CSMD1: variants seen among roughly 807,000 people sequenced by gnomAD.
The protein encoded by CSMD1 is CUB and Sushi multiple domains 1.
Under a neutral mutation model 417.5 loss-of-function variants are expected in CSMD1, and 213 were observed. That is an observed-to-expected ratio of 0.51 (90% confidence interval 0.46 to 0.57). The LOEUF (loss-of-function observed/expected upper bound fraction) is 0.57, where lower values mean the gene tolerates loss of function less well. CSMD1 is among the 20% of genes least tolerant of loss of function. The probability of loss-of-function intolerance (pLI) is 0.00; values close to 1 mark genes in which losing one functional copy is unlikely to be tolerated. For missense variants in CSMD1, 6,923 were observed against 4,529.7 expected (o/e 1.53, Z -15.17); for synonymous variants, 2,862 against 1,736.8 (o/e 1.65, Z -16.11).
chr8:4,688,473 A>T (rs1334297382), intron 1 of CSMD1, among the ~76,000 whole-genome samples: 1 of 152,116 alleles, frequency 6.6e-6, no homozygotes, highest in African/African-American at 2.4e-5. Flanking sequence ...AGGCGTAAGC[A>T]CTTGTATGGT....
intron 1 of CSMD1, among the ~76,000 whole-genome samples, chr8:4,794,346 A>T (rs1003052335): frequency 6.6e-6 from 1 of 152,224 alleles, no homozygotes; most frequent in Non-Finnish European, 1.5e-5. Flanking sequence ...ATGAGTGACT[A>T]TTTCTCATAT....
At chr8:3,175,235 C>T (rs1485612429) in intron 37 of CSMD1, among the ~76,000 whole-genome samples, 2 of 152,160 alleles carry the variant, frequency 1.3e-5, no homozygotes, top group Non-Finnish European at 2.9e-5. Context: ...ATTTTACTCC[C>T]ACCTGGTAAA....
chr8:4,878,846 C>T (rs1416317521), intron 1 of CSMD1, among the ~76,000 whole-genome samples: 5 of 151,276 alleles, frequency 3.3e-5, no homozygotes, highest in African/African-American at 4.9e-5. Flanking sequence ...AATATGTCAC[C>T]GAGACTTGCA....
chr8:3,849,335 G>T (rs939012681), intron 5 of CSMD1, among the ~76,000 whole-genome samples: 4 of 152,264 alleles, frequency 2.6e-5, no homozygotes, highest in Admixed American at 6.5e-5. Context: ...AGAATTTGGG[G>T]AGATGAAGTG....
At chr8:2,994,795 C>T (rs1196305270) in intron 54 of CSMD1, among the ~76,000 whole-genome samples, 1 of 151,900 alleles carries the variant, frequency 6.6e-6, no homozygotes. Context: ...GAAGCCCTTC[C>T]TGATAATGTT....
chr8:3,949,145 T>C (rs1277629087), intron 5 of CSMD1, among the ~76,000 whole-genome samples: 4 of 152,230 alleles, frequency 2.6e-5, no homozygotes, highest in Non-Finnish European at 4.4e-5. Context: ...CATTGTGGAA[T>C]GGCTAAATTG....
chr8:3,696,084 G>T (rs1246551097), intron 7 of CSMD1, among the ~76,000 whole-genome samples: 1 of 152,182 alleles, frequency 6.6e-6, no homozygotes, highest in Non-Finnish European at 1.5e-5. Context: ...GACAGGGAAT[G>T]AGACATTTCC....
intron 4 of CSMD1, among the ~76,000 whole-genome samples, chr8:4,020,844 T>C (rs1439407085): frequency 6.6e-6 from 1 of 152,230 alleles, no homozygotes; most frequent in Non-Finnish European, 1.5e-5. Context: ...CTCTTATCTT[T>C]TGCCTAAACT....
At chr8:3,923,693 C>T (rs867508652) in intron 5 of CSMD1, among the ~76,000 whole-genome samples, 2 of 152,116 alleles carry the variant, frequency 1.3e-5, no homozygotes, top group Admixed American at 6.6e-5. Context: ...AGTCACCATG[C>T]TGTACAATAA....
rs146483001 is a variant in CSMD1 at position 4,384,639 on chromosome 8, C to T, written c.415+35314G>A. 4.6e-5 allele frequency among the ~76,000 whole-genome samples: 7 copies of T among 152,150 alleles called. No homozygotes were observed. In the East Asian group the frequency reaches 1.2e-3, roughly 25 times the overall value. On this transcript the variant is annotated intron_variant, in intron 3 of 69. Coordinates refer to ENST00000635120, the MANE Select transcript of CSMD1 (RefSeq NM_033225.6). Reference sequence around the variant, plus strand: ...TAGAAGATTTTTTTTTGTTATTCAACAACCTGCTATTTCATATTCCCTCCA... The same window carrying T: ...TAGAAGATTTTTTTTTGTTATTCAATAACCTGCTATTTCATATTCCCTCCA...
intron 5 of CSMD1, among the ~76,000 whole-genome samples, chr8:3,872,004 G>T (rs1261870473): frequency 6.6e-6 from 1 of 152,184 alleles, no homozygotes; most frequent in African/African-American, 2.4e-5. Flanking sequence ...ATGCAATGGT[G>T]TGCAGTGAGT....
rs1004348577 is a variant in CSMD1 at position 3,032,595 on chromosome 8, C to T, written c.7661-3082G>A. ...AATAAAAACAGAACATTTTACAACCCCCAAACACCTACCCCAGTCTACTGA... is the reference window on the plus strand; with the variant it reads ...AATAAAAACAGAACATTTTACAACCTCCAAACACCTACCCCAGTCTACTGA... On this transcript the variant is annotated intron_variant, in intron 50 of 69. Transcript: ENST00000635120. 2.6e-5 allele frequency among the ~76,000 whole-genome samples: 4 copies of T among 152,072 alleles called. No individual in the cohort carries two copies. The East Asian group carries it at 7.7e-4, about 29-fold the overall frequency.
intron 6 of CSMD1, among the ~76,000 whole-genome samples, chr8:3,715,790 G>T (rs991197724): frequency 6.6e-6 from 1 of 151,982 alleles, no homozygotes; most frequent in South Asian, 2.1e-4. Flanking sequence ...TGATCCTCCC[G>T]CCCTGGCCTC....
chr8:3,275,760 G>T (rs1272409954), intron 26 of CSMD1, among the ~76,000 whole-genome samples: 1 of 152,166 alleles, frequency 6.6e-6, no homozygotes, highest in Non-Finnish European at 1.5e-5. Context: ...TAGTTCTGGA[G>T]CTTTGGTTTT....
At chr8:3,912,258 CTAAT>C (rs1808511525) in intron 5 of CSMD1, among the ~76,000 whole-genome samples, 1 of 152,122 alleles carries the variant, frequency 6.6e-6, no homozygotes, top group South Asian at 2.1e-4. Context: ...GGAAATATCA[CTAAT>C]TATTCAAAAA....
chr8:4,120,785 C>A (rs1199629457), intron 3 of CSMD1, among the ~76,000 whole-genome samples: 6 of 152,150 alleles, frequency 3.9e-5, no homozygotes, highest in African/African-American at 7.2e-5. Context: ...TGTCACTTTC[C>A]AAACAAAAGA....
chr8:4,448,681 G>A (rs938747298), intron 2 of CSMD1, among the ~76,000 whole-genome samples: 6 of 152,084 alleles, frequency 3.9e-5, no homozygotes, highest in Admixed American at 2.6e-4. Flanking sequence ...TTCTCAGTAG[G>A]AAAGGTCATA....
intron 2 of CSMD1, among the ~76,000 whole-genome samples, chr8:4,619,362 C>A (rs1801645621): frequency 6.6e-6 from 1 of 152,136 alleles, no homozygotes; most frequent in African/African-American, 2.4e-5. Context: ...TATTTAGCAT[C>A]AAGACTGATG....
rs186756555 is a variant in CSMD1 at position 2,978,897 on chromosome 8, G to C, written c.8378-97C>G. 621 of 1,073,832 alleles carry C rather than the reference G, an allele frequency of 5.8e-4. 1 individual carries two copies. Among genetic ancestry groups the C allele is most frequent in the Non-Finnish European group, 7.2e-4 (556 of 772,830 alleles). The allele number at this position is 1,073,832 out of a possible 1,614,324, so 66.5% of individuals were successfully genotyped here. ...GGCGAATTCCTCATCATTTTAGAAA[G>C]TTCAAAAACTGACAACATGATGGCT... On this transcript the variant is annotated intron_variant, in intron 54 of 69. Coordinates refer to ENST00000635120, the MANE Select transcript of CSMD1 (RefSeq NM_033225.6).
Sources: allele counts gnomAD v4.1 joint callset (sites outside exome capture counted in the v4.1 genomes callset), GRCh38; gene constraint gnomAD v4.1.1; transcripts MANE v1.5; gene names NCBI Gene and HGNC (gene_info 2026-07-23, HGNC 2026-07-21).